The following NCKAP5 variants were observed in gnomAD, a reference collection of about 807,000 sequenced individuals.
NCKAP5 encodes the protein NCK associated protein 5.
A neutral mutation model predicts 167.0 loss-of-function variants in NCKAP5; 92 were observed. The ratio of observed to expected loss-of-function variants is 0.55; its 90% CI spans 0.47 to 0.66. The LOEUF is 0.66. Among genes scored for constraint, NCKAP5 ranks in the 30% least tolerant of loss-of-function variants. NCKAP5 has a pLI of 0.00. For synonymous variants in NCKAP5, 891 were observed against 877.4 expected, an observed-to-expected ratio of 1.02 and a Z score of -0.27; for missense variants, 2,378 against 2,315.0, an observed-to-expected ratio of 1.03 and a Z score of -0.56.
intron 6 of NCKAP5, among the ~76,000 whole-genome samples, chr2:133,090,702 G>C (rs2081147795): frequency 6.6e-6 from 1 of 152,062 alleles, no homozygotes; most frequent in Non-Finnish European, 1.5e-5. Flanking sequence ...CACTGGCCAG[G>C]GTAGAAGAAA....
chr2:132,996,032 T>C (rs2077589700), intron 6 of NCKAP5, among the ~76,000 whole-genome samples: 1 of 152,162 alleles, frequency 6.6e-6, no homozygotes, highest in African/African-American at 2.4e-5. Flanking sequence ...ACAAACACAT[T>C]AGACTAGGCC....
intron 3 of NCKAP5, among the ~76,000 whole-genome samples, chr2:133,369,172 C>G (rs1323927397): frequency 2.0e-5 from 3 of 152,122 alleles, no homozygotes; most frequent in Non-Finnish European, 4.4e-5. Context: ...TCGAGGGAAT[C>G]ACGGGTGGGA....
chr2:132,921,629 TC>T (rs1558944583), intron 8 of NCKAP5, among the ~76,000 whole-genome samples: 2 of 152,272 alleles, frequency 1.3e-5, no homozygotes, highest in Admixed American at 1.3e-4. Context: ...GTGGCAATCA[TC>T]CCGCCTTTGA....
intron 16 of NCKAP5, among the ~76,000 whole-genome samples, chr2:132,738,281 A>G (rs1691706511): frequency 6.6e-6 from 1 of 152,204 alleles, no homozygotes; most frequent in Non-Finnish European, 1.5e-5. Context: ...ACCAAGACAA[A>G]GGACAGCCAA....
At chr2:132,947,407 G>A (rs1035113038) in intron 8 of NCKAP5, among the ~76,000 whole-genome samples, 4 of 152,042 alleles carry the variant, frequency 2.6e-5, no homozygotes, top group African/African-American at 4.8e-5. Context: ...AGTCTATCCT[G>A]GGCTTTGTCA....
At chr2:133,115,437 C>T (rs2082040658) in intron 6 of NCKAP5, among the ~76,000 whole-genome samples, 1 of 152,074 alleles carries the variant, frequency 6.6e-6, no homozygotes, top group South Asian at 2.1e-4. Context: ...TGATTGTTCA[C>T]TCTGTAGATT....
At chr2:133,236,236 T>C (rs1484034866) in intron 4 of NCKAP5, among the ~76,000 whole-genome samples, 1 of 152,090 alleles carries the variant, frequency 6.6e-6, no homozygotes, top group Admixed American at 6.5e-5. Flanking sequence ...GAAACATACA[T>C]AAAACACCAT....
intron 6 of NCKAP5, among the ~76,000 whole-genome samples, chr2:133,015,093 T>C (rs1337126441): frequency 2.0e-5 from 3 of 152,240 alleles, no homozygotes; most frequent in African/African-American, 7.2e-5. Context: ...TAAAAGGCTT[T>C]AATAATGACA....
intron 5 of NCKAP5, among the ~76,000 whole-genome samples, chr2:133,203,871 C>A (rs989818870): frequency 1.3e-5 from 2 of 152,136 alleles, no homozygotes; most frequent in African/African-American, 2.4e-5. Context: ...CTATATAAAT[C>A]CACAGCATTA....
chr2:132,776,443 C>G (rs1682553790), intron 15 of NCKAP5, among the ~76,000 whole-genome samples: 1 of 152,272 alleles, frequency 6.6e-6, no homozygotes, highest in East Asian at 1.9e-4. Context: ...ATGTGCTTAA[C>G]CGCAAACACT....
chr2:132,810,017 A>G (rs78053325), intron 11 of NCKAP5, among the ~76,000 whole-genome samples: 12,445 of 152,210 alleles, frequency 0.082, 1,066 homozygotes, highest in African/African-American at 0.2. Flanking sequence ...TGTCTGAAAA[A>G]GACTGTATCT....
rs1691234535 is a variant in NCKAP5, at chr2:133,446,988, A to G, written c.69+70470T>C. On this transcript the variant is annotated intron_variant, in intron 3 of 19. Coordinates refer to ENST00000409261, the MANE Select transcript of NCKAP5 (RefSeq NM_207363.3). ...GGCAAGTTTCAAGTGCAACCCCAGT[A>G]GTCTGAAATGAGGAAGATCGCTCAG... 2.0e-5 allele frequency among the ~76,000 whole-genome samples: 3 copies of G among 152,218 alleles called. No individual in the cohort carries two copies. In the South Asian group the frequency reaches 6.2e-4, roughly 31 times the overall value.
chr2:133,071,705 C>T (rs752309091), intron 6 of NCKAP5, among the ~76,000 whole-genome samples: 28 of 152,074 alleles, frequency 1.8e-4, no homozygotes, highest in Non-Finnish European at 3.2e-4. Flanking sequence ...AGCCTCTTTC[C>T]AACAATCTTA....
intron 6 of NCKAP5, among the ~76,000 whole-genome samples, chr2:133,041,438 G>A (rs1289338860): frequency 1.3e-5 from 2 of 152,078 alleles, no homozygotes; most frequent in East Asian, 1.9e-4. Flanking sequence ...TTTGTTGCAC[G>A]AATTTTGAGA....
chr2:133,078,498 C>T (rs2080689162), intron 6 of NCKAP5, among the ~76,000 whole-genome samples: 1 of 152,100 alleles, frequency 6.6e-6, no homozygotes, highest in Non-Finnish European at 1.5e-5. Context: ...CCCCCAGGAC[C>T]TCTGCTGCTG....
At chr2:133,457,035 C>A (rs982820839) in intron 3 of NCKAP5, among the ~76,000 whole-genome samples, 1 of 152,104 alleles carries the variant, frequency 6.6e-6, no homozygotes, top group African/African-American at 2.4e-5. Context: ...AGCAAAGGGG[C>A]CCCAGGTAAG....
At chr2:133,594,147 A>T in the NCKAP5 span, among the ~76,000 whole-genome samples, 8 of 152,230 alleles carry the variant, frequency 5.3e-5, no homozygotes, top group Non-Finnish European at 1.0e-4. Context: ...TGAGTCAATG[A>T]AAGTGATGAA....
At chr2:132,923,641 A>G (rs963512264) in intron 8 of NCKAP5, among the ~76,000 whole-genome samples, 1 of 152,206 alleles carries the variant, frequency 6.6e-6, no homozygotes, top group African/African-American at 2.4e-5. Flanking sequence ...ACTAAACTAA[A>G]AAAAATGCTC....
At chr2:133,137,896 C>T (rs1158266114) in intron 5 of NCKAP5, among the ~76,000 whole-genome samples, 1 of 152,222 alleles carries the variant, frequency 6.6e-6, no homozygotes, top group East Asian at 1.9e-4. Flanking sequence ...GGCAGGAGAG[C>T]CTTTATTCCT....
Sources: allele counts gnomAD v4.1 joint callset (sites outside exome capture counted in the v4.1 genomes callset), GRCh38; gene constraint gnomAD v4.1.1; transcripts MANE v1.5; gene names NCBI Gene and HGNC (gene_info 2026-07-23, HGNC 2026-07-21).